FGGY: variants seen among roughly 807,000 people sequenced by gnomAD.
FGGY encodes the protein FGGY carbohydrate kinase domain-containing protein.
In FGGY, 72 loss-of-function variants were observed where a neutral mutation model predicts 71.3. The observed-to-expected ratio is 1.01, with a 90% CI of 0.84 to 1.23. FGGY has a LOEUF of 1.23. FGGY is among the 50% of genes most tolerant of loss of function. FGGY has a pLI of 0.00. For missense variants in FGGY, 668 were observed against 682.3 expected, an observed-to-expected ratio of 0.98 and a Z score of 0.23; for synonymous variants, 251 against 250.3, an observed-to-expected ratio of 1.00 and a Z score of -0.02.
At chr1:59,645,041 T>A (rs548357380) in intron 11 of FGGY, among the ~76,000 whole-genome samples, 138 of 152,306 alleles carry the variant, frequency 9.1e-4, no homozygotes, top group African/African-American at 3.2e-3. Context: ...TTTTAGGGAT[T>A]TTTTTGGTGG....
chr1:59,644,621 C>CG (rs1343112356), intron 11 of FGGY, among the ~76,000 whole-genome samples: 3 of 151,782 alleles, frequency 2.0e-5, no homozygotes, highest in Non-Finnish European at 4.4e-5. Flanking sequence ...AGACACGCCC[C>CG]CCCCCACCCA....
In FGGY at chr1:59,610,727, G is replaced by A. The variant is rs557382431; in HGVS notation, c.1011+2817G>A. Among the ~76,000 whole-genome samples, 219 of 152,330 alleles carry A rather than the reference G, an allele frequency of 1.4e-3. 5 individuals carry two copies. The highest frequency in any genetic ancestry group is 0.013 in the South Asian group (62 of 4,830). ...AGCAGGGCGAGGCATCGCCTCACCC[G>A]GGAAGCACAAGGGGTCCAGGAATTC... On this transcript the variant is annotated intron_variant, in intron 9 of 15. Transcript: ENST00000303721.
intron 7 of FGGY, among the ~76,000 whole-genome samples, chr1:59,540,883 C>T (rs2095429393): frequency 6.6e-6 from 1 of 152,162 alleles, no homozygotes; most frequent in South Asian, 2.1e-4. Flanking sequence ...CAACTCCCAA[C>T]TCAACACACT....
intron 2 of FGGY, among the ~76,000 whole-genome samples, chr1:59,334,305 G>C (rs1301209678): frequency 6.6e-6 from 1 of 152,016 alleles, no homozygotes; most frequent in Non-Finnish European, 1.5e-5. Context: ...ACCACACCTG[G>C]CTAGTTTTTG....
chr1:59,716,022 G>GA (rs2097843695), intron 14 of FGGY, among the ~76,000 whole-genome samples: 2 of 152,084 alleles, frequency 1.3e-5, no homozygotes, highest in African/African-American at 4.8e-5. Context: ...GCCCTTCATA[G>GA]AAAAAAGTTT....
At chr1:59,725,513 C>A (rs559207251) in intron 14 of FGGY, among the ~76,000 whole-genome samples, 2 of 152,068 alleles carry the variant, frequency 1.3e-5, no homozygotes, top group African/African-American at 2.4e-5. Context: ...AAAAATAGTT[C>A]GCTGAAAATT....
chr1:59,386,649 A>T (rs188077325), intron 5 of FGGY, among the ~76,000 whole-genome samples: 13 of 152,072 alleles, frequency 8.5e-5, no homozygotes, highest in Non-Finnish European at 1.5e-4. Flanking sequence ...TAGTATCTAC[A>T]TATATTACTT....
intron 11 of FGGY, among the ~76,000 whole-genome samples, chr1:59,644,605 C>T (rs767568221): frequency 1.4e-4 from 21 of 151,936 alleles, no homozygotes; most frequent in Non-Finnish European, 2.6e-4. Context: ...TCATTAAAAA[C>T]AAGACAGACA....
At chr1:59,455,863 A>C (rs2091637827) in intron 5 of FGGY, among the ~76,000 whole-genome samples, 1 of 152,246 alleles carries the variant, frequency 6.6e-6, no homozygotes, top group African/African-American at 2.4e-5. Flanking sequence ...GGGGTAGGGC[A>C]AAGGCACTGA....
chr1:59,376,856 G>T (rs778860983), intron 4 of FGGY, among the ~76,000 whole-genome samples: 4 of 152,204 alleles, frequency 2.6e-5, no homozygotes, highest in Non-Finnish European at 5.9e-5. Flanking sequence ...TTTCTTGCTA[G>T]TTCCTCTGTC....
rs1489364410 is a variant in FGGY, at chr1:59,626,004, A to G, written c.1028A>G (p.Gln343Arg). The change falls in exon 10 of 16, where the codon CAA becomes CGA. Residue 343 changes from glutamine (Q) to arginine (R), a missense_variant. By Grantham distance (43) the Gln-to-Arg change is conservative. Around this residue, in one of 2 missense-constraint regions of FGGY, gnomAD observed 661 missense variants for 661.6 expected, o/e 1.00. Transcript: ENST00000303721. ...ATTTTTCAGATAGACCACATGGTAC[A>G]AGGCCATGCTGCTTTTCCAGAACTA... ...VTGKLIDHMVQGHAAFPELQV... is the reference protein window; with the variant it reads ...VTGKLIDHMVRGHAAFPELQV... 1.9e-6 allele frequency: 3 copies of G among 1,613,512 alleles called. No individual in the cohort carries two copies. In the South Asian group the frequency reaches 3.3e-5, roughly 18 times the overall value.
Position 59,440,955 on chromosome 1 carries a change from T to C in FGGY, c.555-16006T>C, listed in dbSNP as rs377146858. On this transcript the variant is annotated intron_variant, in intron 5 of 15. Coordinates refer to ENST00000303721, the MANE Select transcript of FGGY (RefSeq NM_018291.5). ...CAAACAAGGGAAAACTTAAGTACTC[T>C]ATCCTGGGTTCCTCAGGATGCACAC... Among the ~76,000 whole-genome samples, 9 of 152,166 alleles carry C rather than the reference T, an allele frequency of 5.9e-5. 1 individual carries two copies. Among genetic ancestry groups the C allele is most frequent in the African/African-American group, 2.2e-4 (9 of 41,512 alleles).
chr1:59,683,378 G>T (rs1308627806), intron 14 of FGGY, among the ~76,000 whole-genome samples: 1 of 152,168 alleles, frequency 6.6e-6, no homozygotes, highest in African/African-American at 2.4e-5. Context: ...TTAACACCAA[G>T]AAATAAAGCA....
intron 5 of FGGY, among the ~76,000 whole-genome samples, chr1:59,444,981 C>G (rs1440646075): frequency 6.6e-6 from 1 of 152,070 alleles, no homozygotes; most frequent in Non-Finnish European, 1.5e-5. Context: ...CTATGGACAC[C>G]CTATAATATT....
chr1:59,456,061 CT>C (rs1021152092), intron 5 of FGGY, among the ~76,000 whole-genome samples: 94 of 151,528 alleles, frequency 6.2e-4, no homozygotes, highest in Non-Finnish European at 1.1e-3. Context: ...ACTTTAAAAA[CT>C]TTTTTTTATC....
At chr1:59,575,630 T>G (rs2096064193) in intron 8 of FGGY, among the ~76,000 whole-genome samples, 1 of 152,196 alleles carries the variant, frequency 6.6e-6, no homozygotes, top group Non-Finnish European at 1.5e-5. Context: ...TAGAATTGCC[T>G]GATCACATGG....
intron 6 of FGGY, among the ~76,000 whole-genome samples, chr1:59,507,917 A>G (rs543733256): frequency 1.2e-3 from 179 of 152,226 alleles, no homozygotes; most frequent in Middle Eastern, 0.01. Flanking sequence ...CCACGCCTGA[A>G]GCCCTCCGCT....
chr1:59,491,060 T>TCCCCTCCC (rs1274561358), intron 6 of FGGY, among the ~76,000 whole-genome samples: 4 of 30,446 alleles, frequency 1.3e-4, no homozygotes, highest in African/African-American at 6.2e-4. Flanking sequence ...CCTTCCTTCC[T>TCCCCTCCC]TCCTTCCTTC....
intron 8 of FGGY, among the ~76,000 whole-genome samples, chr1:59,598,504 G>T (rs2096544870): frequency 6.6e-6 from 1 of 152,182 alleles, no homozygotes; most frequent in African/African-American, 2.4e-5. Flanking sequence ...ACATTTGGCT[G>T]CCTCCCTCTA....
Sources: gnomAD v4.1 joint callset for allele counts (sites outside exome capture counted in the v4.1 genomes callset) on GRCh38, gnomAD v4.1.1 for gene constraint, gnomAD v4.1.1 regional missense constraint, MANE v1.5 for transcripts, NCBI Gene and HGNC (gene_info 2026-07-23, HGNC 2026-07-21) for gene names.